The following USP43 variants were observed in gnomAD, a reference collection of about 807,000 sequenced individuals.
The protein encoded by USP43 is ubiquitin specific peptidase 43.
USP43 carries 33 observed loss-of-function variants against 90.7 expected under a neutral mutation model. The observed-to-expected ratio is 0.36, with a 90% CI of 0.28 to 0.49. The LOEUF (loss-of-function observed/expected upper bound fraction) is 0.49, where lower values mean the gene tolerates loss of function less well. Among genes scored for constraint, USP43 ranks in the 20% least tolerant of loss-of-function variants. The pLI is 0.98. For synonymous variants in USP43, 598 were observed against 615.8 expected, an observed-to-expected ratio of 0.97 and a Z score of 0.43; for missense variants, 1,274 against 1,476.4, an observed-to-expected ratio of 0.86 and a Z score of 2.25.
chr17:9,654,647 C>G (rs1247527764), intron 1 of USP43, among the ~76,000 whole-genome samples: 3 of 135,970 alleles, frequency 2.2e-5, no homozygotes, highest in Non-Finnish European at 4.7e-5. Flanking sequence ...GAAACACTGT[C>G]TTAAAAAAAA....
At chr17:9,681,089 A>C (rs189209536) in intron 6 of USP43, among the ~76,000 whole-genome samples, 7,042 of 92,992 alleles carry the variant, frequency 0.076, 767 homozygotes, top group East Asian at 0.48. Flanking sequence ...ATATAATATA[A>C]TATATGACAT....
chr17:9,669,500 T>G (rs1366204294), intron 3 of USP43, among the ~76,000 whole-genome samples: 2 of 152,196 alleles, frequency 1.3e-5, no homozygotes, highest in African/African-American at 2.4e-5. Context: ...GATATTTCAT[T>G]CATGCCCTAC....
At chr17:9,647,619 G>GA (rs1445474648) in intron 1 of USP43, 2 of 152,136 alleles carry the variant, frequency 1.3e-5, no homozygotes, top group Non-Finnish European at 2.9e-5. Context: ...CTAGAGCAGG[G>GA]AGGGAGGTAA....
At chr17:9,663,071 G>A (rs1180375422) in intron 2 of USP43, among the ~76,000 whole-genome samples, 1 of 151,906 alleles carries the variant, frequency 6.6e-6, no homozygotes. Context: ...ACTCACCTCG[G>A]CTTCCCAAAG....
chr17:9,680,696 C>T (rs1027432075), intron 6 of USP43, among the ~76,000 whole-genome samples: 7 of 151,926 alleles, frequency 4.6e-5, no homozygotes, highest in Non-Finnish European at 7.4e-5. Context: ...CAGGTGATGC[C>T]GATGCTGCTG....
intron 14 of USP43, among the ~76,000 whole-genome samples, chr17:9,712,353 G>A (rs574382988): frequency 6.0e-4 from 91 of 152,120 alleles, no homozygotes; most frequent in East Asian, 9.7e-4. Flanking sequence ...CTCTGCCCCC[G>A]TGTAGCTTAT....
intron 14 of USP43, among the ~76,000 whole-genome samples, chr17:9,713,592 G>A (rs1450994061): frequency 1.3e-5 from 2 of 152,182 alleles, no homozygotes; most frequent in Non-Finnish European, 1.5e-5. Flanking sequence ...GAGTGGGGAC[G>A]TAGGAAGATC....
chr17:9,675,089 C>T, intron 4 of USP43, 106 bp downstream of exon 4: 1 of 972,884 alleles, frequency 1.0e-6, no homozygotes. Flanking sequence ...TGCTTCTCAG[C>T]CAGCATTTCT....
In USP43 at chr17:9,681,462, TTATATATATATATATATATATATATATA is replaced by T. The variant is rs1184883523; in HGVS notation, c.1105+1116_1105+1143del. ...TATAGATAAATATATATAAAATATA[TTATATATATATATATATATATATATATA>T]TATATATATATATATATATTTGAGA... On this transcript the variant is annotated intron_variant, in intron 6 of 14. Coordinates refer to ENST00000285199, the MANE Select transcript of USP43 (RefSeq NM_153210.5). 1.5e-3 allele frequency among the ~76,000 whole-genome samples: 27 copies of T among 18,582 alleles called. 1 individual carries two copies. Among genetic ancestry groups the T allele is most frequent in the East Asian group, 3.6e-3 (1 of 274 alleles). 12.2% of individuals were successfully genotyped at this position (18,582 alleles called of 152,430 possible). A position where few individuals can be genotyped will look rare whatever the true frequency, so the allele number is the denominator to read the frequency against.
intron 14 of USP43, among the ~76,000 whole-genome samples, chr17:9,717,658 G>C (rs181326073): frequency 6.6e-6 from 1 of 152,012 alleles, no homozygotes; most frequent in Non-Finnish European, 1.5e-5. Context: ...TTGTCTGCAC[G>C]GTCTCAGTGT....
intron 6 of USP43, among the ~76,000 whole-genome samples, chr17:9,681,205 A>G (rs1317641818): frequency 1.6e-5 from 1 of 61,548 alleles, no homozygotes; most frequent in African/African-American, 9.8e-5. Flanking sequence ...TATACTATAT[A>G]ATATATACAT....
intron 3 of USP43, among the ~76,000 whole-genome samples, chr17:9,670,039 C>CTTTTTTTTTTTTT (rs148536442): frequency 7.6e-5 from 10 of 131,536 alleles, no homozygotes; most frequent in South Asian, 2.4e-4. Context: ...GAGGTGACTG[C>CTTTTTTTTTTTTT]TTTTTTTTTT....
At chr17:9,684,328 A>G (rs1914469169) in intron 7 of USP43, among the ~76,000 whole-genome samples, 1 of 152,126 alleles carries the variant, frequency 6.6e-6, no homozygotes, top group East Asian at 1.9e-4. Flanking sequence ...GAGGAAAGAT[A>G]TTTATGCCAT....
rs1240237272 is a variant in USP43 at position 9,680,237 on chromosome 17, T to C, written c.976T>C (p.Leu326=). ...ATGATCTTTCTCATTTCAGGTGATC[T>C]TGGTTGAACTGTATCCCAGTGGATT... ...EGGVPADEVI[L]VELYPSGFQR... is the part of the protein sequence containing the mutation. The change falls in exon 6 of 15, where the codon TTG becomes CTG. Residue 326 remains leucine, a synonymous_variant. Coordinates refer to ENST00000285199, the MANE Select transcript of USP43 (RefSeq NM_153210.5). 1.2e-6 allele frequency: 2 copies of C among 1,612,652 alleles called. No homozygotes were observed. The highest frequency in any genetic ancestry group is 2.7e-5 in the African/African-American group (2 of 74,876).
At chr17:9,716,424 C>G (rs1916575889) in intron 14 of USP43, among the ~76,000 whole-genome samples, 1 of 151,864 alleles carries the variant, frequency 6.6e-6, no homozygotes, top group Non-Finnish European at 1.5e-5. Context: ...ATTCTAGCAC[C>G]CTGCTGCCTT....
intron 5 of USP43, among the ~76,000 whole-genome samples, chr17:9,678,084 G>C (rs924087987): frequency 1.3e-5 from 2 of 152,138 alleles, no homozygotes; most frequent in Non-Finnish European, 1.5e-5. Flanking sequence ...TGAGAGTCCT[G>C]GGGAGAAAGT....
Position 9,683,500 on chromosome 17 carries a change from ATTAT to A in USP43, c.1241+546_1241+549del, listed in dbSNP as rs774231905. On this transcript the variant is annotated intron_variant, in intron 7 of 14. Coordinates refer to ENST00000285199, the MANE Select transcript of USP43 (RefSeq NM_153210.5). ...ATAATAAACTGGTAAAAACAAAAAG[ATTAT>A]TTAATAATAATTAAACTATTATTAA... is the stretch of plus-strand genomic sequence containing the variant. 2.0e-3 allele frequency among the ~76,000 whole-genome samples: 300 copies of A among 152,288 alleles called. 2 individuals carry two copies. Among genetic ancestry groups the A allele is most frequent in the Non-Finnish European group, 2.7e-3 (185 of 68,026 alleles).
At chr17:9,698,183 A>T (rs1915383821) in intron 9 of USP43, among the ~76,000 whole-genome samples, 1 of 152,018 alleles carries the variant, frequency 6.6e-6, no homozygotes, top group Non-Finnish European at 1.5e-5. Flanking sequence ...TAATAGGATT[A>T]TTTGTTTTTG....
At chr17:9,673,024 T>C (rs943254707) in intron 3 of USP43, among the ~76,000 whole-genome samples, 4 of 152,200 alleles carry the variant, frequency 2.6e-5, no homozygotes, top group Non-Finnish European at 4.4e-5. Context: ...ATCCCGGTAA[T>C]GTCATACAGT....
Sources: allele counts gnomAD v4.1 joint callset (sites outside exome capture counted in the v4.1 genomes callset), GRCh38; gene constraint gnomAD v4.1.1; transcripts MANE v1.5; gene names NCBI Gene and HGNC (gene_info 2026-07-23, HGNC 2026-07-21).